Variants in RBFOX1 observed in about 807,000 individuals in gnomAD.
The protein encoded by RBFOX1 is RNA binding protein fox-1 homolog 1.
RBFOX1 carries 8 observed loss-of-function variants against 57.7 expected under a neutral mutation model. That is an observed-to-expected ratio of 0.14 (90% CI 0.08 to 0.25). The LOEUF (loss-of-function observed/expected upper bound fraction) is 0.25, where lower values mean the gene tolerates loss of function less well. RBFOX1 is among the 10% of genes least tolerant of loss of function. RBFOX1 has a pLI of 1.00. For missense variants in RBFOX1, 611 were observed against 548.5 expected, an observed-to-expected ratio of 1.11 and a Z score of -1.14; for synonymous variants, 326 against 222.4, an observed-to-expected ratio of 1.47 and a Z score of -4.15.
chr16:7,058,466 C>A (rs2053177562), intron 4 of RBFOX1, among the ~76,000 whole-genome samples: 1 of 152,136 alleles, frequency 6.6e-6, no homozygotes, highest in South Asian at 2.1e-4. Flanking sequence ...AAAATCTAGA[C>A]TTTGCAACTT....
intron 3 of RBFOX1, among the ~76,000 whole-genome samples, chr16:6,867,468 C>T (rs952066498): frequency 6.6e-6 from 1 of 151,952 alleles, no homozygotes; most frequent in South Asian, 2.1e-4. Flanking sequence ...CATGTAATTC[C>T]AGCACTTTGG....
At chr16:7,002,954 G>T (rs1348833778) in intron 3 of RBFOX1, among the ~76,000 whole-genome samples, 1 of 151,870 alleles carries the variant, frequency 6.6e-6, no homozygotes. Flanking sequence ...TGTAGGAAAG[G>T]CGATGAGGTC....
At chr16:7,617,546 T>C (rs959981939) in intron 10 of RBFOX1, among the ~76,000 whole-genome samples, 2 of 152,176 alleles carry the variant, frequency 1.3e-5, no homozygotes, top group African/African-American at 2.4e-5. Context: ...CTTTAGCGGT[T>C]ATATACTACA....
intron 3 of RBFOX1, among the ~76,000 whole-genome samples, chr16:6,977,513 C>T (rs2087359090): frequency 6.6e-6 from 1 of 152,034 alleles, no homozygotes; most frequent in South Asian, 2.1e-4. Context: ...CATTTTCCAG[C>T]CCTCACTCAA....
intron 2 of RBFOX1, among the ~76,000 whole-genome samples, chr16:6,487,745 A>G (rs1268767840): frequency 1.4e-5 from 1 of 71,446 alleles, no homozygotes; most frequent in African/African-American, 5.1e-5. Context: ...ATATATATAT[A>G]TATATATATA....
upstream of RBFOX1, among the ~76,000 whole-genome samples, chr16:6,018,580 C>A (rs893911467): frequency 6.6e-6 from 1 of 152,072 alleles, no homozygotes; most frequent in South Asian, 2.1e-4. Flanking sequence ...CCCAGGCCAG[C>A]CGCACCCACC....
At chr16:6,511,678 G>C (rs1370724988) in intron 2 of RBFOX1, among the ~76,000 whole-genome samples, 2 of 152,272 alleles carry the variant, frequency 1.3e-5, no homozygotes, top group Admixed American at 6.5e-5. Context: ...GAAACCTTTT[G>C]CTTTATTAAA....
intron 2 of RBFOX1, among the ~76,000 whole-genome samples, chr16:6,647,821 A>T (rs2154080089): frequency 6.6e-6 from 1 of 152,142 alleles, no homozygotes; most frequent in South Asian, 2.1e-4. Flanking sequence ...TGTAGCCTTG[A>T]CTGCCTAGGG....
chr16:7,133,465 T>C (rs1481128095), intron 4 of RBFOX1, among the ~76,000 whole-genome samples: 1 of 152,032 alleles, frequency 6.6e-6, no homozygotes, highest in Non-Finnish European at 1.5e-5. Context: ...AAAAGCAAGG[T>C]TTTTAGAGGC....
intron 1 of RBFOX1, among the ~76,000 whole-genome samples, chr16:6,173,332 A>G (rs867160665): frequency 6.6e-6 from 1 of 152,192 alleles, no homozygotes; most frequent in East Asian, 1.9e-4. Flanking sequence ...ATTATTGAAG[A>G]GATCCAATGT....
At chr16:7,430,760 C>T (rs2098671568) in intron 4 of RBFOX1, among the ~76,000 whole-genome samples, 3 of 152,158 alleles carry the variant, frequency 2.0e-5, no homozygotes, top group Admixed American at 2.0e-4. Context: ...GGCCAGGGTC[C>T]ACACAGGAAG....
chr16:5,715,623 A>G (rs1243110709), intron 3 of RBFOX1, among the ~76,000 whole-genome samples: 4 of 152,206 alleles, frequency 2.6e-5, no homozygotes, highest in Non-Finnish European at 5.9e-5. Flanking sequence ...TGCAAAAATA[A>G]TCTCCGTGCT....
intron 11 of RBFOX1, among the ~76,000 whole-genome samples, chr16:7,639,634 G>A (rs544914944): frequency 6.6e-6 from 1 of 152,160 alleles, no homozygotes; most frequent in East Asian, 1.9e-4. Flanking sequence ...AATTTCAAAC[G>A]CAGTGCTCCT....
chr16:6,507,221 T>G (rs945932120), intron 2 of RBFOX1, among the ~76,000 whole-genome samples: 1 of 152,160 alleles, frequency 6.6e-6, no homozygotes, highest in Admixed American at 6.6e-5. Context: ...CAATCCATTA[T>G]ACACATGATA....
intron 2 of RBFOX1, among the ~76,000 whole-genome samples, chr16:6,484,416 A>G (rs1436331206): frequency 1.3e-5 from 2 of 151,734 alleles, no homozygotes; most frequent in Non-Finnish European, 2.9e-5. Flanking sequence ...AATTGACAAT[A>G]CTGAACACGC....
At chr16:7,698,617 C>G (rs1352344741) in intron 14 of RBFOX1, among the ~76,000 whole-genome samples, 6 of 152,158 alleles carry the variant, frequency 3.9e-5, no homozygotes, top group African/African-American at 1.4e-4. Context: ...TCTAACTGAT[C>G]CTTCAGCAAG....
At chr16:6,909,357 G>C (rs1350623461) in intron 3 of RBFOX1, among the ~76,000 whole-genome samples, 1 of 152,088 alleles carries the variant, frequency 6.6e-6, no homozygotes, top group East Asian at 1.9e-4. Context: ...TGATTACTTT[G>C]GGTCCACCTG....
At chr16:5,401,669 T>A (rs2151439595) in intron 1 of RBFOX1, among the ~76,000 whole-genome samples, 1 of 152,304 alleles carries the variant, frequency 6.6e-6, no homozygotes. Context: ...ATTTAATCTT[T>A]CCATCCAGGG....
chr16:6,104,762 A>G (rs560816402), intron 1 of RBFOX1, among the ~76,000 whole-genome samples: 58 of 152,366 alleles, frequency 3.8e-4, no homozygotes, highest in South Asian at 8.3e-4. Context: ...CAGAATACAA[A>G]TAGAAGCTAC....
Sources: gnomAD v4.1 joint callset for allele counts (sites outside exome capture counted in the v4.1 genomes callset) on GRCh38, gnomAD v4.1.1 for gene constraint, MANE v1.5 for transcripts, NCBI Gene and HGNC (gene_info 2026-07-23, HGNC 2026-07-21) for gene names.